SPPL2A: variants seen among roughly 807,000 people sequenced by gnomAD.
SPPL2A encodes signal peptide peptidase-like 2A.
A neutral mutation model predicts 63.8 loss-of-function variants in SPPL2A; 51 were observed. The ratio of observed to expected loss-of-function variants is 0.80; its 90% CI spans 0.64 to 1.01. The LOEUF is 1.01. Among genes scored for constraint, SPPL2A ranks in the 50% least tolerant of loss-of-function variants. The probability of loss-of-function intolerance (pLI) is 0.00; values close to 1 mark genes in which losing one functional copy is unlikely to be tolerated. For missense variants in SPPL2A, 553 were observed against 622.7 expected (o/e 0.89, Z 1.19); for synonymous variants, 188 against 205.8 (o/e 0.91, Z 0.74).
At chr15:50,743,347 C>A (rs1427669679) in intron 5 of SPPL2A, 1 of 152,100 alleles carries the variant, frequency 6.6e-6, no homozygotes, top group Non-Finnish European at 1.5e-5. Context: ...GTTTATTATT[C>A]TTTTTGTTAT....
rs1270483037 is a variant in SPPL2A at position 50,706,838 on chromosome 15, T to C, written c.*962A>G. 6.6e-6 allele frequency: 1 copy of C among 151,824 alleles called. No homozygotes were observed. The highest frequency in any genetic ancestry group is 1.5e-5 in the Non-Finnish European group (1 of 67,920). The allele number at this position is 151,824 out of a possible 1,614,324, so 9.4% of individuals were successfully genotyped here. On this transcript the variant is annotated 3_prime_UTR_variant, in exon 15 of 15. Coordinates refer to ENST00000261854, the MANE Select transcript of SPPL2A (RefSeq NM_032802.4). ...AAAAGGCTGTCAAACCAATGAAAAC[T>C]AGATTTCAGTGTCTGTCTCCTTTTA...
intron 10 of SPPL2A, among the ~76,000 whole-genome samples, chr15:50,730,393 C>T (rs571370691): frequency 3.3e-5 from 5 of 152,260 alleles, no homozygotes; most frequent in African/African-American, 1.2e-4. Flanking sequence ...GCCAGTCCCA[C>T]ACTGGCCTAC....
At chr15:50,720,233 C>A (rs62018798) in intron 13 of SPPL2A, 133 bp from the exon 14 acceptor site, 16,738 of 643,150 alleles carry the variant, frequency 0.026, 306 homozygotes, top group Middle Eastern at 0.085. Flanking sequence ...GTAATTTCAT[C>A]ATTTTCCTAG....
intron 10 of SPPL2A, 149 bp from the exon 11 acceptor site, chr15:50,726,526 T>C (rs761978042): frequency 1.3e-4 from 88 of 690,984 alleles, no homozygotes; most frequent in Non-Finnish European, 1.7e-4. Context: ...TCTTTGTAGA[T>C]TGCAAAAACT....
intron 10 of SPPL2A, 25 bp downstream of exon 10, chr15:50,730,940 A>G (rs778072280): frequency 1.1e-6 from 1 of 915,694 alleles, no homozygotes. Flanking sequence ...ATGTTTCTTC[A>G]CCCATTTCAA....
intron 1 of SPPL2A, among the ~76,000 whole-genome samples, chr15:50,759,771 T>G (rs2062993063): frequency 1.3e-5 from 2 of 151,490 alleles, no homozygotes; most frequent in Admixed American, 1.3e-4. Context: ...AAAAGAAAAA[T>G]TATTACTGCC....
intron 7 of SPPL2A, 66 bp from the exon 8 acceptor site, chr15:50,736,268 A>G: frequency 1.1e-6 from 1 of 948,264 alleles, no homozygotes; most frequent in East Asian, 2.4e-5. Context: ...TATAAGAAGT[A>G]GCAAATATTA....
In SPPL2A at chr15:50,705,929, G is replaced by T. The variant is rs1439741155; in HGVS notation, c.*1871C>A. The T allele has an allele frequency of 2.6e-5, 4 of 152,186 alleles. No individual in the cohort carries two copies. In the East Asian group the frequency reaches 7.7e-4, roughly 29 times the overall value. 9.4% of individuals were successfully genotyped at this position (152,186 alleles called of 1,614,324 possible). ...GCCTTTGTTATCACTTGTCATTTGC[G>T]AAATTCTTACTAAAATAAAAGAAAA... is the stretch of plus-strand genomic sequence containing the variant. On this transcript the variant is annotated 3_prime_UTR_variant, in exon 15 of 15. Coordinates refer to ENST00000261854, the MANE Select transcript of SPPL2A (RefSeq NM_032802.4).
At chr15:50,708,326 G>A (rs909947522) in intron 14 of SPPL2A, among the ~76,000 whole-genome samples, 5 of 152,082 alleles carry the variant, frequency 3.3e-5, no homozygotes, top group South Asian at 4.1e-4. Context: ...TGAAATAACC[G>A]TAAGATAATT....
In SPPL2A at chr15:50,705,436, T is replaced by C. The variant is rs892654860; in HGVS notation, c.*2364A>G. 6.6e-6 allele frequency: 1 copy of C among 152,102 alleles called. No homozygotes were observed. Among genetic ancestry groups the C allele is most frequent in the Non-Finnish European group, 1.5e-5 (1 of 68,018 alleles). The allele number at this position is 152,102 out of a possible 1,614,324, so 9.4% of individuals were successfully genotyped here. A position where few individuals can be genotyped will look rare whatever the true frequency, so the allele number is the denominator to read the frequency against. The stretch of plus-strand genomic sequence containing the variant: ...ATAAAATGTGATTAAGGCTATTAAA[T>C]ATAAAGCTTGGATGAGGGTGCAGAT... On this transcript the variant is annotated 3_prime_UTR_variant, in exon 15 of 15. Transcript: ENST00000261854.
intron 1 of SPPL2A, among the ~76,000 whole-genome samples, chr15:50,764,271 A>C (rs1251363640): frequency 2.0e-5 from 3 of 152,232 alleles, no homozygotes; most frequent in Non-Finnish European, 4.4e-5. Context: ...TCTTTTGGAC[A>C]TAAGTATTAT....
At chr15:50,745,484 T>A (rs1338557032) in intron 5 of SPPL2A, among the ~76,000 whole-genome samples, 1 of 151,814 alleles carries the variant, frequency 6.6e-6, no homozygotes, top group Non-Finnish European at 1.5e-5. Flanking sequence ...CAGGCTGATC[T>A]TGAACTCCTG....
intron 8 of SPPL2A, 141 bp downstream of exon 8, chr15:50,735,960 C>A (rs927628316): frequency 1.8e-6 from 1 of 569,432 alleles, no homozygotes; most frequent in Non-Finnish European, 3.1e-6. Flanking sequence ...ATAAGATCTG[C>A]TTATTTAAGA....
intron 13 of SPPL2A, among the ~76,000 whole-genome samples, chr15:50,720,438 A>G (rs958572): frequency 0.25 from 37,508 of 151,662 alleles, 5,589 homozygotes; most frequent in East Asian, 0.54. Context: ...AGGTAATATA[A>G]GTTGTTTAAA....
chr15:50,758,173 C>T (rs1269458503), intron 1 of SPPL2A, among the ~76,000 whole-genome samples: 1 of 149,562 alleles, frequency 6.7e-6, no homozygotes, highest in African/African-American at 2.5e-5. Context: ...CCTGTAGTCC[C>T]AGCTACTCAG....
chr15:50,717,575 A>G (rs567780367), intron 14 of SPPL2A, among the ~76,000 whole-genome samples: 1 of 152,306 alleles, frequency 6.6e-6, no homozygotes, highest in African/African-American at 2.4e-5. Context: ...ATAGAGTCCA[A>G]ACTCTTAAAT....
chr15:50,754,995 C>T (rs940752484), intron 1 of SPPL2A, among the ~76,000 whole-genome samples: 6 of 147,222 alleles, frequency 4.1e-5, no homozygotes, highest in Non-Finnish European at 7.5e-5. Flanking sequence ...AAAACAGAAA[C>T]GAAAACAAAA....
chr15:50,760,708 G>A (rs1210412572), intron 1 of SPPL2A, among the ~76,000 whole-genome samples: 5 of 152,032 alleles, frequency 3.3e-5, no homozygotes, highest in African/African-American at 4.8e-5. Flanking sequence ...GGGTGGGGCT[G>A]TTGGGGGTGT....
At chr15:50,723,664 T>C (rs956033406) in intron 12 of SPPL2A, among the ~76,000 whole-genome samples, 1 of 152,032 alleles carries the variant, frequency 6.6e-6, no homozygotes, top group Admixed American at 6.6e-5. Flanking sequence ...TTAGTAGAGA[T>C]GGGGTTTCAC....
Sources: allele counts gnomAD v4.1 joint callset (sites outside exome capture counted in the v4.1 genomes callset), GRCh38; gene constraint gnomAD v4.1.1; transcripts MANE v1.5; gene names NCBI Gene and HGNC (gene_info 2026-07-23, HGNC 2026-07-21).